Variants in LRRC4 observed in about 807,000 individuals in gnomAD.
LRRC4 encodes the protein leucine-rich repeat-containing protein 4.
In LRRC4, 11 loss-of-function variants were observed where a neutral mutation model predicts 37.9. That is an observed-to-expected ratio of 0.29 (90% CI 0.18 to 0.48). The LOEUF is 0.48. LRRC4 is among the 20% of genes least tolerant of loss of function. LRRC4 has a pLI of 0.99. For missense variants in LRRC4, 717 were observed against 842.1 expected, an observed-to-expected ratio of 0.85 and a Z score of 1.84; for synonymous variants, 404 against 346.7, an observed-to-expected ratio of 1.17 and a Z score of -1.84.
rs1803528485 is a variant in LRRC4, at chr7:128,027,994, ATG to A, written c.*683_*684del. ...TAAGCAATTCTGTCAGGCAAGGCAC[ATG>A]TGTGTCCAGTGCACAGACCCCCAAG... On this transcript the variant is annotated 3_prime_UTR_variant, in exon 2 of 2. Transcript: ENST00000249363. 6.6e-6 allele frequency: 1 copy of A among 152,200 alleles called. No homozygotes were observed. The allele number at this position is 152,200 out of a possible 1,614,324, so 9.4% of individuals were successfully genotyped here.
In LRRC4 at chr7:128,028,783, C is replaced by G; in HGVS notation, c.1858G>C (p.Glu620Gln). The G allele has an allele frequency of 1.2e-6, 2 of 1,614,098 alleles. No homozygotes were observed. Among genetic ancestry groups the G allele is most frequent in the Non-Finnish European group, 1.7e-6 (2 of 1,180,012 alleles). ...YKPAHGAHWT[E>Q]NSLGNSLHPT... ...TGCAGAGAGTTCCCCAGGCTGTTTT[C>G]TGTCCAGTGGGCCCCATGTGCTGGT... Residue 620 changes from glutamate (E) to glutamine (Q), a missense_variant, in exon 2 of 2, where the codon GAA becomes CAA. By Grantham distance (29) the Glu-to-Gln change is conservative. This residue lies in a region of LRRC4 where 140 missense variants were observed against 137.2 expected (regional missense o/e 1.02). Coordinates refer to ENST00000249363, the MANE Select transcript of LRRC4 (RefSeq NM_022143.5).
chr7:128,030,587 C>G lies in LRRC4; in HGVS notation c.54G>C (p.Leu18=). The change falls in exon 2 of 2, where the codon CTG becomes CTC. Residue 18 remains leucine, a synonymous_variant. Transcript: ENST00000249363. The part of the protein sequence containing the change: ...TVHHHTWNAI[L]LPFVYLTAQV... ...GCGCCGTGAGGTAGACGAACGGGAGCAGGATGGCATTCCAGGTGTGGTGGT... is the reference window on the plus strand; with the variant it reads ...GCGCCGTGAGGTAGACGAACGGGAGGAGGATGGCATTCCAGGTGTGGTGGT... 2 of 1,600,442 alleles carry G rather than the reference C, an allele frequency of 1.2e-6. No homozygotes were observed. Among genetic ancestry groups the G allele is most frequent in the Admixed American group, 1.7e-5 (1 of 59,424 alleles).
rs1430630693 is a variant in LRRC4 at position 128,027,374 on chromosome 7, C to G, written c.*1305G>C. Reference sequence around the variant, plus strand: ...CCATTCAACAGTACCCCATGTGGAACTCCATGTGTGCATGCGTGTCACTTG... The same window carrying G: ...CCATTCAACAGTACCCCATGTGGAAGTCCATGTGTGCATGCGTGTCACTTG... On this transcript the variant is annotated 3_prime_UTR_variant, in exon 2 of 2. Transcript: ENST00000249363. 6.6e-6 allele frequency: 1 copy of G among 151,318 alleles called. No homozygotes were observed. The allele number at this position is 151,318 out of a possible 1,614,324, so 9.4% of individuals were successfully genotyped here.
chr7:128,031,210 C>T lies in LRRC4; in HGVS notation c.-398G>A, dbSNP rs1157395871. ...CCCCCCCTCCGCCCAAGGAGCGGCG[C>T]CACCAGCGCTTCCCGGCTTTGTCCT... On this transcript the variant is annotated 5_prime_UTR_variant, in exon 1 of 2. Transcript: ENST00000249363. The T allele has an allele frequency of 6.6e-6, 1 of 152,292 alleles. No homozygotes were observed. The highest frequency in any genetic ancestry group is 1.5e-5 in the Non-Finnish European group (1 of 68,142). 9.4% of individuals were successfully genotyped at this position (152,292 alleles called of 1,614,324 possible). A position where few individuals can be genotyped will look rare whatever the true frequency, so the allele number is the denominator to read the frequency against.
At chr7:128,031,771 A>G (rs1383288965), upstream of LRRC4, 3 of 142,836 alleles carry the variant, frequency 2.1e-5, no homozygotes, top group African/African-American at 5.1e-5. Context: ...GCGGCGCGCA[A>G]CCGCCCGTCG....
chr7:128,030,275 C>T lies in LRRC4; in HGVS notation c.366G>A (p.Leu122=). 1.2e-6 allele frequency: 2 copies of T among 1,612,600 alleles called. No individual in the cohort carries two copies. The highest frequency in any genetic ancestry group is 1.7e-6 in the Non-Finnish European group (2 of 1,179,816). ...RQIEVGAFNG[L]ASLNTLELFD... The stretch of plus-strand genomic sequence containing the variant: ...ACAGCTCCAGGGTGTTGAGGCTGGC[C>T]AGGCCGTTGAAGGCCCCCACCTCAA... The change falls in exon 2 of 2, where the codon CTG becomes CTA. Residue 122 remains leucine (L), a synonymous_variant. Coordinates refer to ENST00000249363, the MANE Select transcript of LRRC4 (RefSeq NM_022143.5).
At position 128,029,443 on chromosome 7, in the gene LRRC4, T is replaced by G. The variant is rs1314226064; in HGVS notation, c.1198A>C (p.Arg400=). ...TVLSHASRHP[R]ISVLNDGTLN... ...GTGCCGTCGTTGAGGACAGAGATCCTTGGGTGGCGGGAGGCGTGGCTGAGC... is the reference window on the plus strand; with the variant it reads ...GTGCCGTCGTTGAGGACAGAGATCCGTGGGTGGCGGGAGGCGTGGCTGAGC... The change falls in exon 2 of 2, where the codon AGG becomes CGG. Residue 400 remains arginine (R), a synonymous_variant. Coordinates refer to ENST00000249363, the MANE Select transcript of LRRC4 (RefSeq NM_022143.5). The surrounding 1 kb of genome is among the most constrained non-coding windows in gnomAD (Gnocchi z 4.2). 2.5e-6 allele frequency: 4 copies of G among 1,614,142 alleles called. No individual in the cohort carries two copies. The highest frequency in any genetic ancestry group is 3.4e-6 in the Non-Finnish European group (4 of 1,180,020).
rs780446429 is a variant in LRRC4, at chr7:128,028,715, G to C, written c.1926C>G (p.Thr642=). ...TTISEPYIIQ[T]HTKDKVQETQ... ...TTTCCTGTACCTTGTCCTTGGTATGGGTCTGAATTATATAAGGTTCAGAGA... is the reference window on the plus strand; with the variant it reads ...TTTCCTGTACCTTGTCCTTGGTATGCGTCTGAATTATATAAGGTTCAGAGA... The change falls in exon 2 of 2, where the codon ACC becomes ACG. Residue 642 remains threonine (T), a synonymous_variant. Coordinates refer to ENST00000249363, the MANE Select transcript of LRRC4 (RefSeq NM_022143.5). The C allele has an allele frequency of 3.7e-6, 6 of 1,613,966 alleles. No homozygotes were observed. The highest frequency in any genetic ancestry group is 1.7e-5 in the Admixed American group (1 of 60,014).
rs368708135 is a variant in LRRC4, at chr7:128,029,451, C to T, written c.1190G>A (p.Arg397His). The change falls in exon 2 of 2, where the codon CGC becomes CAC. Residue 397 changes from arginine (R) to histidine (H), a missense_variant. This residue lies in a region of LRRC4 where 293 missense variants were observed against 268.3 expected (regional missense o/e 1.09). Transcript: ENST00000249363. This position sits in a 1 kb window ranked among gnomAD's most constrained non-coding sequence, Gnocchi z 4.2. ...GTTGAGGACAGAGATCCTTGGGTGGCGGGAGGCGTGGCTGAGCACTGTCCC... is the reference window on the plus strand; with the variant it reads ...GTTGAGGACAGAGATCCTTGGGTGGTGGGAGGCGTGGCTGAGCACTGTCCC... Reference protein sequence around the residue: ...PNGTVLSHASRHPRISVLNDG... With the variant: ...PNGTVLSHASHHPRISVLNDG... 40 of 1,614,012 alleles carry T rather than the reference C, an allele frequency of 2.5e-5. No homozygotes were observed. Among genetic ancestry groups the T allele is most frequent in the African/African-American group, 2.4e-4 (18 of 74,906 alleles).
rs200804366 is a variant in LRRC4 at position 128,029,569 on chromosome 7, C to T, written c.1072G>A (p.Ala358Thr). The change falls in exon 2 of 2, where the codon GCA (alanine) becomes ACA (threonine). Residue 358 changes from alanine to threonine, a missense_variant. Ala to Thr is a moderately conservative substitution (Grantham distance 58). Transcript: ENST00000249363. The surrounding 1 kb of genome is among the most constrained non-coding windows in gnomAD (Gnocchi z 4.2). ...FQCSAPFIMD[A>T]PRDLNISEGR... is the part of the protein sequence containing the mutation. ...TCAGAAATGTTGAGGTCTCGAGGTG[C>T]GTCCATGATGAAGGGGGCAGAGCAC... is the stretch of plus-strand genomic sequence containing the variant. 2.2e-5 allele frequency: 36 copies of T among 1,613,844 alleles called. No homozygotes were observed. In the South Asian group the frequency reaches 3.3e-4, roughly 15 times the overall value.
Position 128,030,305 on chromosome 7 carries a change from C to A in LRRC4, c.336G>T (p.Arg112=). 6.2e-7 allele frequency: 1 copy of A among 1,614,160 alleles called. No individual in the cohort carries two copies. The highest frequency in any genetic ancestry group is 8.5e-7 in the Non-Finnish European group (1 of 1,180,024). ...EVLQLGRNSI[R]QIEVGAFNGL... ...CGTTGAAGGCCCCCACCTCAATCTG[C>A]CGGATGGAGTTCCTGCCCAACTGCA... Residue 112 remains arginine, a synonymous_variant, in exon 2 of 2, where the codon CGG becomes CGT. Transcript: ENST00000249363.
At position 128,029,882 on chromosome 7, in the gene LRRC4, C is replaced by G. The variant is rs1340753120; in HGVS notation, c.759G>C (p.Gln253His). ...AAGCATTCCGCTCAATCAGGCTGAC[C>G]TGTGAGTTCATGACCCAGAGCTTCT... is the stretch of plus-strand genomic sequence containing the variant. The part of the protein sequence containing the change: ...SLKKLWVMNS[Q>H]VSLIERNAFD... Residue 253 changes from glutamine to histidine, a missense_variant, in exon 2 of 2, where the codon CAG becomes CAC. Physicochemically the swap from Gln to His is conservative, Grantham distance 24 (BLOSUM62 0). Transcript: ENST00000249363. The surrounding 1 kb of genome is among the most constrained non-coding windows in gnomAD (Gnocchi z 4.2). 6.2e-7 allele frequency: 1 copy of G among 1,613,234 alleles called. No homozygotes were observed. The highest frequency in any genetic ancestry group is 8.5e-7 in the Non-Finnish European group (1 of 1,180,038).
rs773528443 is a variant in LRRC4, at chr7:128,029,758, A to G, written c.883T>C (p.Leu295=). Residue 295 remains leucine, a synonymous_variant, in exon 2 of 2, where the codon TTG becomes CTG. Coordinates refer to ENST00000249363, the MANE Select transcript of LRRC4 (RefSeq NM_022143.5). The surrounding 1 kb of genome is among the most constrained non-coding windows in gnomAD (Gnocchi z 4.2). ...TTCCAAGGGTTGTGGTGTAGATGCA[A>G]CTCCACCAGGTACCTCAGCGGGGTA... ...LFTPLRYLVE[L]HLHHNPWNCD... is the part of the protein sequence containing the mutation. 7 of 1,613,284 alleles carry G rather than the reference A, an allele frequency of 4.3e-6. No individual in the cohort carries two copies. The highest frequency in any genetic ancestry group is 3.3e-5 in the Admixed American group (2 of 59,972).
rs931450464 is a variant in LRRC4, at chr7:128,031,311, CCG to C, written c.-501_-500del. 1.2e-4 allele frequency among the ~76,000 whole-genome samples: 18 copies of C among 151,522 alleles called. No individual in the cohort carries two copies. The highest frequency in any genetic ancestry group is 2.9e-4 in the African/African-American group (12 of 41,320). On this transcript the variant is annotated 5_prime_UTR_variant, in exon 1 of 2. Transcript: ENST00000249363. ...CAAAGTGCGCTCCGGCGGCCCCGGC[CCG>C]CTCTGCGGGCCGCCGCCGGAGGGAG...
Position 128,030,563 on chromosome 7 carries a change from C to T in LRRC4, c.78G>A (p.Ala26=). The change falls in exon 2 of 2, where the codon GCG becomes GCA. Residue 26 remains alanine, a synonymous_variant. Coordinates refer to ENST00000249363, the MANE Select transcript of LRRC4 (RefSeq NM_022143.5). ...TGGCTGCACACAGAATCCACACTTG[C>T]GCCGTGAGGTAGACGAACGGGAGCA... is the stretch of plus-strand genomic sequence containing the variant. ...AILLPFVYLT[A]QVWILCAAIA... 1 of 1,611,732 alleles carries T rather than the reference C, an allele frequency of 6.2e-7. No homozygotes were observed. Among genetic ancestry groups the T allele is most frequent in the Non-Finnish European group, 8.5e-7 (1 of 1,178,616 alleles).
upstream of LRRC4, chr7:128,032,007 G>T (rs1792630293): frequency 6.6e-6 from 1 of 151,588 alleles, no homozygotes; most frequent in South Asian, 2.1e-4. Flanking sequence ...CCTGCGCGCG[G>T]CGCCCACCGT....
upstream of LRRC4, chr7:128,031,771 ACCGCCCGTCG>A (rs1003046458): frequency 1.3e-4 from 19 of 142,932 alleles, 1 homozygote; most frequent in Admixed American, 3.4e-4. Context: ...GCGGCGCGCA[ACCGCCCGTCG>A]CCGCCCGCCG....
Position 128,030,713 on chromosome 7 carries a change from TAA to T in LRRC4, c.-75_-74del. On this transcript the variant is annotated 5_prime_UTR_variant, in exon 2 of 2. An upstream open reading frame in the 5' UTR loses its in-frame stop. Coordinates refer to ENST00000249363, the MANE Select transcript of LRRC4 (RefSeq NM_022143.5). ...AAGGAGAACCAGCCCTACCCCGGCT[TAA>T]GTGAGCTAGGAGCTCCTCTTTCCAT... 1 of 1,493,858 alleles carries T rather than the reference TAA, an allele frequency of 6.7e-7. No homozygotes were observed. Among genetic ancestry groups the T allele is most frequent in the Non-Finnish European group, 9.0e-7 (1 of 1,113,948 alleles). The allele number at this position is 1,493,858 out of a possible 1,614,324, so 92.5% of individuals were successfully genotyped here.
upstream of LRRC4, chr7:128,032,019 T>G (rs1271357032): frequency 6.6e-6 from 1 of 151,490 alleles, no homozygotes; most frequent in East Asian, 1.9e-4. Flanking sequence ...GCCCACCGTC[T>G]CCTCCTCGCG....
Sources: gnomAD v4.1 joint callset for allele counts (sites outside exome capture counted in the v4.1 genomes callset) on GRCh38, gnomAD v4.1.1 for gene constraint, gnomAD v4.1.1 regional missense constraint, Gnocchi (gnomAD v3.1) non-coding constraint, MANE v1.5 for transcripts, NCBI Gene and HGNC (gene_info 2026-07-23, HGNC 2026-07-21) for gene names.